Variants in INTS6L observed in about 807,000 individuals in gnomAD.
INTS6L encodes the protein integrator complex subunit 6 like.
In INTS6L, 18 loss-of-function variants were observed where a neutral mutation model predicts 64.7. The ratio of observed to expected loss-of-function variants is 0.28; its 90% CI spans 0.19 to 0.41. INTS6L has a LOEUF of 0.41. INTS6L is among the 10% of genes least tolerant of loss of function. INTS6L has a pLI of 1.00. For synonymous variants in INTS6L, 227 were observed against 235.9 expected, an observed-to-expected ratio of 0.96 and a Z score of 0.34; for missense variants, 533 against 661.0, an observed-to-expected ratio of 0.81 and a Z score of 2.12.
Position 135,546,825 on chromosome X carries a change from C to T in INTS6L, c.553C>T (p.Gln185Ter), listed in dbSNP as rs1241933657. 1 of 1,209,757 alleles carries T rather than the reference C, an allele frequency of 8.3e-7. No individual in the cohort carries two copies. The highest frequency in any genetic ancestry group is 1.1e-6 in the Non-Finnish European group (1 of 895,067). ...TGGAGTGGCTTCTACCGAACCAGAG[C>T]AACTAGGGAGCGTACCAACTGATGA... ...LPGVASTEPEQLGSVPTDESA... is the reference protein window; with the variant it reads ...LPGVASTEPE The change falls in exon 5 of 18, where the codon CAA becomes TAA. Residue 185 changes from glutamine (Q) to a stop codon, truncating the protein, a stop_gained. Coordinates refer to ENST00000639893, the MANE Select transcript of INTS6L (RefSeq NM_001351601.3). LOFTEE classifies it high-confidence loss of function.
At chrX:135,539,834 A>G (rs1355947005) in intron 2 of INTS6L, among the ~76,000 whole-genome samples, 1 of 111,524 alleles carries the variant, frequency 9.0e-6, no homozygotes, top group East Asian at 2.8e-4. Flanking sequence ...TGGTCGATGG[A>G]GCAGTTAGGA....
Position 135,520,775 on chromosome X carries a change from G to A in INTS6L, c.-218G>A, listed in dbSNP as rs1240852573. On this transcript the variant is annotated 5_prime_UTR_variant, in exon 1 of 18. Transcript: ENST00000639893. The stretch of plus-strand genomic sequence containing the variant: ...GGGGAGGGCCCCGAGGGCTACACAC[G>A]CTCACACTTTCAAGTTCCCTTGGAG... The A allele has an allele frequency of 7.3e-6, 3 of 413,609 alleles. No homozygotes were observed. Among genetic ancestry groups the A allele is most frequent in the Non-Finnish European group, 1.3e-5 (3 of 237,160 alleles). 34.1% of individuals were successfully genotyped at this position (413,609 alleles called of 1,213,427 possible).
At chrX:135,564,928 C>T (rs368406043) in intron 9 of INTS6L, among the ~76,000 whole-genome samples, 1 of 111,204 alleles carries the variant, frequency 9.0e-6, no homozygotes, top group Non-Finnish European at 1.9e-5. Context: ...AGTCCAGGCT[C>T]GCCACTTGGC....
chrX:135,530,562 G>A lies in INTS6L; in HGVS notation c.189+9244G>A, dbSNP rs190514642. Among the ~76,000 whole-genome samples, 78 of 112,592 alleles carry A rather than the reference G, an allele frequency of 6.9e-4. 2 individuals are homozygous for A. In the East Asian group the frequency reaches 0.02, roughly 28 times the overall value. ...AGAAAGATATTCAGTGTACTCCACA[G>A]TAGCCATTTGTTTTTTCTAATCCAC... On this transcript the variant is annotated intron_variant, in intron 2 of 17. Coordinates refer to ENST00000639893, the MANE Select transcript of INTS6L (RefSeq NM_001351601.3).
intron 2 of INTS6L, among the ~76,000 whole-genome samples, chrX:135,529,361 C>G (rs993258457): frequency 4.5e-4 from 50 of 111,433 alleles, no homozygotes; most frequent in African/African-American, 1.4e-3. Context: ...TCTTGATGTT[C>G]CCCAGCGGAG....
chrX:135,561,586 AG>A (rs2086790733), intron 9 of INTS6L, among the ~76,000 whole-genome samples: 1 of 112,350 alleles, frequency 8.9e-6, no homozygotes, highest in Non-Finnish European at 1.9e-5. Context: ...TTTCTGGAAA[AG>A]ATTGTGTATA....
At position 135,520,929 on chromosome X, in the gene INTS6L, G is replaced by A. The variant is rs2085519334; in HGVS notation, c.-64G>A. 8 of 1,104,866 alleles carry A rather than the reference G, an allele frequency of 7.2e-6. No homozygotes were observed. Among genetic ancestry groups the A allele is most frequent in the Non-Finnish European group, 9.9e-6 (8 of 807,700 alleles). 91.1% of individuals were successfully genotyped at this position (1,104,866 alleles called of 1,213,427 possible). ...GCGAGAGTTGAGGGTTCAGGTGGCC[G>A]TACGCGGCAGTGAGGGCAAGAGGGC... On this transcript the variant is annotated 5_prime_UTR_variant, in exon 1 of 18. Coordinates refer to ENST00000639893, the MANE Select transcript of INTS6L (RefSeq NM_001351601.3).
chrX:135,577,136 T>C, intron 14 of INTS6L, 57 bp from the exon 15 acceptor site: 1 of 1,095,217 alleles, frequency 9.1e-7, no homozygotes, highest in Non-Finnish European at 1.3e-6. Flanking sequence ...TGCTTGCAGT[T>C]ATATAATAGT....
chrX:135,558,742 G>GT (rs1315939111), intron 9 of INTS6L, among the ~76,000 whole-genome samples: 1 of 109,404 alleles, frequency 9.1e-6, no homozygotes, highest in Non-Finnish European at 1.9e-5. Flanking sequence ...GGTTAAGATG[G>GT]TAAGTATTAC....
Position 135,573,928 on chromosome X carries a change from A to G in INTS6L, c.1618-11A>G, listed in dbSNP as rs2087155041. Reference sequence around the variant, plus strand: ...AGGAGTAACTGAAATTATTTGTTTCATTTCAAATAGGATTTGAAACCTCAG... The same window carrying G: ...AGGAGTAACTGAAATTATTTGTTTCGTTTCAAATAGGATTTGAAACCTCAG... On this transcript the variant is annotated splice_polypyrimidine_tract_variant and intron_variant, in intron 12 of 17. Transcript: ENST00000639893. 2 of 1,181,854 alleles carry G rather than the reference A, an allele frequency of 1.7e-6. No homozygotes were observed. The highest frequency in any genetic ancestry group is 5.3e-5 in the Admixed American group (2 of 37,805).
In INTS6L at chrX:135,520,840, G is replaced by A. The variant is rs2085516071; in HGVS notation, c.-153G>A. The A allele has an allele frequency of 3.8e-6, 2 of 529,153 alleles. No homozygotes were observed. The highest frequency in any genetic ancestry group is 6.3e-6 in the Non-Finnish European group (2 of 316,365). The allele number at this position is 529,153 out of a possible 1,213,427, so 43.6% of individuals were successfully genotyped here. ...GCTGCAGAAAGAGGAGGCCAGGAGCGGTCCCATCCGTCCCGTCCCGTCCCG... is the reference window on the plus strand; with the variant it reads ...GCTGCAGAAAGAGGAGGCCAGGAGCAGTCCCATCCGTCCCGTCCCGTCCCG... On this transcript the variant is annotated 5_prime_UTR_variant, in exon 1 of 18. Coordinates refer to ENST00000639893, the MANE Select transcript of INTS6L (RefSeq NM_001351601.3).
intron 7 of INTS6L, among the ~76,000 whole-genome samples, chrX:135,551,385 G>C (rs998116409): frequency 8.9e-6 from 1 of 112,197 alleles, no homozygotes; most frequent in African/African-American, 3.2e-5. Flanking sequence ...CCAGCGCAAA[G>C]CATCCCCAGC....
At chrX:135,526,327 A>C (rs2085735231) in intron 2 of INTS6L, among the ~76,000 whole-genome samples, 1 of 111,484 alleles carries the variant, frequency 9.0e-6, no homozygotes, top group Admixed American at 9.5e-5. Flanking sequence ...ATAAAAGTAA[A>C]TTTCTTGGCC....
At chrX:135,580,183 T>C in intron 16 of INTS6L, 21 bp downstream of exon 16, 2 of 1,160,143 alleles carry the variant, frequency 1.7e-6, no homozygotes, top group East Asian at 3.0e-5. Flanking sequence ...AAAGAACATC[T>C]ATCAATAATG....
chrX:135,554,783 C>T, intron 8 of INTS6L, among the ~76,000 whole-genome samples: 1 of 107,161 alleles, frequency 9.3e-6, no homozygotes. Flanking sequence ...GCTGATGATA[C>T]AGGAATCACA....
At chrX:135,566,165 A>G (rs988927003) in intron 9 of INTS6L, among the ~76,000 whole-genome samples, 1 of 112,077 alleles carries the variant, frequency 8.9e-6, no homozygotes, top group Admixed American at 9.4e-5. Context: ...TGGGCAAGAT[A>G]CCTAATCTGT....
chrX:135,521,815 G>A (rs1465186286), intron 2 of INTS6L, among the ~76,000 whole-genome samples: 2 of 108,924 alleles, frequency 1.8e-5, no homozygotes, highest in Non-Finnish European at 3.8e-5. Flanking sequence ...CCGGGCGCGC[G>A]GGCTTTCCCG....
rs1284036402 is a variant in INTS6L, at chrX:135,556,189, A to G, written c.1081A>G (p.Lys361Glu). 1 of 1,189,078 alleles carries G rather than the reference A, an allele frequency of 8.4e-7. No individual in the cohort carries two copies. The highest frequency in any genetic ancestry group is 1.8e-5 in the African/African-American group (1 of 56,196). Reference sequence around the variant, plus strand: ...TCAGGTATTTGTTACTAGCAGTGGAAAGTACAATGAACTTGGATATCCATT... The same window carrying G: ...TCAGGTATTTGTTACTAGCAGTGGAGAGTACAATGAACTTGGATATCCATT... ...CWQVFVTSSGKYNELGYPFGY... is the reference protein window; with the variant it reads ...CWQVFVTSSGEYNELGYPFGY... Residue 361 changes from lysine (K) to glutamate (E), a missense_variant, in exon 9 of 18, where the codon AAG becomes GAG. Lys to Glu is a moderately conservative substitution (Grantham distance 56, BLOSUM62 1). Transcript: ENST00000639893.
Position 135,569,396 on chromosome X carries a change from A to G in INTS6L, c.1252A>G (p.Ser418Gly). Residue 418 changes from serine to glycine, a missense_variant, in exon 10 of 18, where the codon AGC becomes GGC. Physicochemically the swap from Ser to Gly is moderately conservative, Grantham distance 56. Transcript: ENST00000639893. ...TCTGAAGTGGCGACAGGCTTTTGACAGCTACTTAAAAACTCTGCCTCCATA... is the reference window on the plus strand; with the variant it reads ...TCTGAAGTGGCGACAGGCTTTTGACGGCTACTTAAAAACTCTGCCTCCATA... Reference protein sequence around the residue: ...PNLKWRQAFDSYLKTLPPYYL... With the variant: ...PNLKWRQAFDGYLKTLPPYYL... The G allele has an allele frequency of 1.7e-6, 2 of 1,192,122 alleles. No homozygotes were observed.
Sources: allele counts gnomAD v4.1 joint callset (sites outside exome capture counted in the v4.1 genomes callset), GRCh38; gene constraint gnomAD v4.1.1; transcripts MANE v1.5; gene names NCBI Gene and HGNC (gene_info 2026-07-23, HGNC 2026-07-21).